The following HACD2 variants were observed in gnomAD, a reference collection of about 807,000 sequenced individuals.
The protein encoded by HACD2 is 3-hydroxyacyl-CoA dehydratase 2.
HACD2 carries 15 observed loss-of-function variants against 31.0 expected under a neutral mutation model. That is an observed-to-expected ratio of 0.48 (90% CI 0.32 to 0.75). HACD2 has a LOEUF of 0.75. Among genes scored for constraint, HACD2 ranks in the 30% least tolerant of loss-of-function variants. HACD2 has a pLI of 0.03. For missense variants in HACD2, 283 were observed against 313.0 expected, an observed-to-expected ratio of 0.90 and a Z score of 0.72; for synonymous variants, 115 against 122.2, an observed-to-expected ratio of 0.94 and a Z score of 0.39.
At chr3:123,583,004 G>A (rs2056982580) in intron 1 of HACD2, among the ~76,000 whole-genome samples, 1 of 152,040 alleles carries the variant, frequency 6.6e-6, no homozygotes, top group Non-Finnish European at 1.5e-5. Context: ...GTTTTGTTAA[G>A]TTCCATAATA....
At chr3:123,573,722 T>C (rs2056878985) in intron 2 of HACD2, among the ~76,000 whole-genome samples, 1 of 152,090 alleles carries the variant, frequency 6.6e-6, no homozygotes, top group Non-Finnish European at 1.5e-5. Context: ...AGCAAAAGGG[T>C]GTTGGTTATT....
intron 2 of HACD2, among the ~76,000 whole-genome samples, chr3:123,570,505 T>C (rs2056842256): frequency 6.6e-6 from 1 of 152,172 alleles, no homozygotes; most frequent in Non-Finnish European, 1.5e-5. Flanking sequence ...AGTAACCTTA[T>C]ACAAAGTTGG....
At chr3:123,543,950 T>C (rs931398772) in intron 3 of HACD2, among the ~76,000 whole-genome samples, 2 of 152,250 alleles carry the variant, frequency 1.3e-5, no homozygotes, top group Non-Finnish European at 2.9e-5. Flanking sequence ...TTTTTGAATC[T>C]TGAGCCCATA....
At position 123,585,051 on chromosome 3, in the gene HACD2, C is replaced by A; in HGVS notation, c.-24G>T. 2 of 1,437,258 alleles carry A rather than the reference C, an allele frequency of 1.4e-6. No individual in the cohort carries two copies. Among genetic ancestry groups the A allele is most frequent in the Non-Finnish European group, 1.8e-6 (2 of 1,097,772 alleles). The allele number at this position is 1,437,258 out of a possible 1,614,324, so 89.0% of individuals were successfully genotyped here. A position where few individuals can be genotyped will look rare whatever the true frequency, so the allele number is the denominator to read the frequency against. On this transcript the variant is annotated 5_prime_UTR_variant, in exon 1 of 7. Coordinates refer to ENST00000383657, the MANE Select transcript of HACD2 (RefSeq NM_198402.5). ...ATGTCAAGTGCCCGAAGCCCGCTCT[C>A]CTAGCGCGAGCGGCTCGGGCCGGAC...
chr3:123,502,503 G>C, intron 5 of HACD2, 57 bp downstream of exon 5: 5 of 1,567,666 alleles, frequency 3.2e-6, no homozygotes, highest in Non-Finnish European at 1.7e-6. Flanking sequence ...GGCAATAAAG[G>C]GCAAATTCAA....
At chr3:123,579,240 G>A (rs2056939768) in intron 2 of HACD2, among the ~76,000 whole-genome samples, 1 of 151,888 alleles carries the variant, frequency 6.6e-6, no homozygotes, top group Non-Finnish European at 1.5e-5. Context: ...ACTGTTTAAT[G>A]TCCCTACCTT....
intron 3 of HACD2, among the ~76,000 whole-genome samples, chr3:123,559,166 A>G (rs1218046198): frequency 6.6e-6 from 1 of 152,182 alleles, no homozygotes; most frequent in East Asian, 1.9e-4. Flanking sequence ...CTATTGATTA[A>G]TTACTATCTA....
In HACD2 at chr3:123,532,826, T is replaced by C. The variant is rs191152423; in HGVS notation, c.293-4352A>G. On this transcript the variant is annotated intron_variant, in intron 3 of 6. Transcript: ENST00000383657. ...TCCAGCCAGGGTGACAGAGTGAGAC[T>C]CCGTCTCAAAAAAAAAAAAAAAAAA... Among the ~76,000 whole-genome samples the C allele has an allele frequency of 7.7e-3, 683 of 88,400 alleles. 2 individuals carry two copies. The highest frequency in any genetic ancestry group is 0.03 in the African/African-American group (668 of 22,476). The allele number at this position is 88,400 out of a possible 152,430, so 58.0% of individuals were successfully genotyped here.
At chr3:123,529,268 G>A (rs931566338) in intron 3 of HACD2, among the ~76,000 whole-genome samples, 2 of 152,020 alleles carry the variant, frequency 1.3e-5, no homozygotes, top group Admixed American at 1.3e-4. Context: ...CGCTGGCTAA[G>A]TTTTTGTACT....
At chr3:123,568,280 G>A (rs2056813613) in intron 2 of HACD2, among the ~76,000 whole-genome samples, 1 of 152,118 alleles carries the variant, frequency 6.6e-6, no homozygotes, top group South Asian at 2.1e-4. Flanking sequence ...CACTGCAGAG[G>A]TGCTCTCTGG....
intron 4 of HACD2, among the ~76,000 whole-genome samples, chr3:123,511,996 C>T (rs1415301735): frequency 6.6e-6 from 1 of 152,166 alleles, no homozygotes; most frequent in Non-Finnish European, 1.5e-5. Context: ...TCACCTTCCC[C>T]CATGAGTGGA....
intron 4 of HACD2, among the ~76,000 whole-genome samples, chr3:123,512,391 A>T (rs1364638001): frequency 5.3e-5 from 8 of 152,208 alleles, no homozygotes; most frequent in Admixed American, 6.5e-5. Context: ...ATCATCTCAA[A>T]TATGTCATTA....
At chr3:123,580,667 C>A (rs2056955852) in intron 2 of HACD2, among the ~76,000 whole-genome samples, 1 of 151,298 alleles carries the variant, frequency 6.6e-6, no homozygotes, top group Non-Finnish European at 1.5e-5. Context: ...CCTGTGGGCC[C>A]AGCTACTCTG....
At position 123,497,187 on chromosome 3, in the gene HACD2, T is replaced by G. The variant is rs1283814257; in HGVS notation, c.683-2217A>C. Reference sequence around the variant, plus strand: ...TGAACCCGACCATGAGACTGAAAGCTTTTCAGATGCACGGCTGCCACTTTT... The same window carrying G: ...TGAACCCGACCATGAGACTGAAAGCGTTTCAGATGCACGGCTGCCACTTTT... On this transcript the variant is annotated intron_variant, in intron 6 of 6. Transcript: ENST00000383657. Among the ~76,000 whole-genome samples, 5 of 152,220 alleles carry G rather than the reference T, an allele frequency of 3.3e-5. No homozygotes were observed. The East Asian group carries it at 9.6e-4, about 29-fold the overall frequency.
intron 4 of HACD2, among the ~76,000 whole-genome samples, chr3:123,525,026 A>C (rs1296774003): frequency 6.6e-6 from 1 of 152,178 alleles, no homozygotes; most frequent in Non-Finnish European, 1.5e-5. Context: ...TCAAACAAAA[A>C]CCAATGCTAT....
chr3:123,566,477 T>G (rs1176775567), intron 3 of HACD2, among the ~76,000 whole-genome samples: 1 of 151,422 alleles, frequency 6.6e-6, no homozygotes, highest in African/African-American at 2.4e-5. Context: ...AGAGATGGGG[T>G]CTCCCTGTGT....
At chr3:123,572,974 C>T (rs950600253) in intron 2 of HACD2, among the ~76,000 whole-genome samples, 2 of 152,132 alleles carry the variant, frequency 1.3e-5, no homozygotes, top group African/African-American at 4.8e-5. Flanking sequence ...GCCTAAGATG[C>T]AGAGTCAGGG....
chr3:123,583,752 T>C (rs1457371705), intron 1 of HACD2, among the ~76,000 whole-genome samples: 2 of 152,182 alleles, frequency 1.3e-5, no homozygotes, highest in Admixed American at 1.3e-4. Flanking sequence ...TATAAACATA[T>C]TTGCTTGCAT....
rs2055798803 is a variant in HACD2 at position 123,493,886 on chromosome 3, AAATTTAAAAATAAAACAAT to A, written c.*983_*1001del. The A allele has an allele frequency of 6.6e-6, 1 of 152,252 alleles. No individual in the cohort carries two copies. Among genetic ancestry groups the A allele is most frequent in the South Asian group, 2.1e-4 (1 of 4,826 alleles). The allele number at this position is 152,252 out of a possible 1,614,324, so 9.4% of individuals were successfully genotyped here. On this transcript the variant is annotated 3_prime_UTR_variant, in exon 7 of 7. Transcript: ENST00000383657. ...AGTATCCAAACAGAAGAGTGAATGA[AAATTTAAAAATAAAACAAT>A]AATGGTGTATAAATCTATTCCTGAA...
Sources: allele counts gnomAD v4.1 joint callset (sites outside exome capture counted in the v4.1 genomes callset), GRCh38; gene constraint gnomAD v4.1.1; transcripts MANE v1.5; gene names NCBI Gene and HGNC (gene_info 2026-07-23, HGNC 2026-07-21).